Variants in SYNM observed in about 807,000 individuals in gnomAD.
SYNM encodes synemin.
In SYNM, 95 loss-of-function variants were observed where a neutral mutation model predicts 104.0. The ratio of observed to expected loss-of-function variants is 0.91; its 90% CI spans 0.77 to 1.08. The LOEUF (loss-of-function observed/expected upper bound fraction) is 1.08, where lower values mean the gene tolerates loss of function less well. Ranked by LOEUF, SYNM falls within the 50% of genes least tolerant of loss-of-function variation. The pLI, the probability that SYNM is intolerant of heterozygous loss-of-function variation, is 0.00. For missense variants in SYNM, 2,150 were observed against 2,052.2 expected (o/e 1.05, Z -0.92); for synonymous variants, 918 against 869.0 (o/e 1.06, Z -0.99).
rs1335145165 is a variant in SYNM at position 99,105,828 on chromosome 15, A to C, written c.629A>C (p.Glu210Ala). ...QLYEDEVREL[E>A]EALRRGQESR... ...TACGAGGACGAGGTGCGCGAGCTGG[A>C]GGAGGCGCTGCGGCGCGGCCAGGAG... Residue 210 changes from glutamate to alanine, a missense_variant, in exon 1 of 4, where the codon GAG (glutamate) becomes GCG (alanine). Coordinates refer to ENST00000336292, the MANE Select transcript of SYNM (RefSeq NM_145728.3). 2 of 1,542,050 alleles carry C rather than the reference A, an allele frequency of 1.3e-6. No homozygotes were observed. The highest frequency in any genetic ancestry group is 1.7e-6 in the Non-Finnish European group (2 of 1,145,642).
At position 99,132,455 on chromosome 15, in the gene SYNM, T is replaced by G; in HGVS notation, c.4095T>G (p.Val1365=). Residue 1365 remains valine, a synonymous_variant, in exon 4 of 4, where the codon GTT becomes GTG. Transcript: ENST00000336292. ...GTCATACCTCGGGTAGACAAACCGT[T>G]ATGACTGAAAAGAGCACCTTCCAAA... ...THSHTSGRQT[V]MTEKSTFQSV... 1 of 1,613,968 alleles carries G rather than the reference T, an allele frequency of 6.2e-7. No homozygotes were observed. Among genetic ancestry groups the G allele is most frequent in the Non-Finnish European group, 8.5e-7 (1 of 1,179,876 alleles).
chr15:99,139,845 CT>C (rs1247509617), downstream of SYNM: 1 of 968,246 alleles, frequency 1.0e-6, no homozygotes, highest in African/African-American at 1.7e-5. Context: ...ACAGCAATGT[CT>C]TAGTTATTAG....
At chr15:99,107,804 C>T (rs117510760) in intron 1 of SYNM, among the ~76,000 whole-genome samples, 3,364 of 152,208 alleles carry the variant, frequency 0.022, 76 homozygotes, top group Admixed American at 0.029. Context: ...TGAGGTCATA[C>T]CTGCCCTCAG....
downstream of SYNM, among the ~76,000 whole-genome samples, chr15:99,138,395 C>T (rs1442157091): frequency 1.3e-5 from 2 of 152,020 alleles, no homozygotes; most frequent in Non-Finnish European, 2.9e-5. Flanking sequence ...CTCCCTGCAA[C>T]TTCCGCCTCC....
Position 99,133,763 on chromosome 15 carries a change from T to C in SYNM, c.*705T>C, listed in dbSNP as rs2067536684. The stretch of plus-strand genomic sequence containing the variant: ...GGTTCCCTGGCACTGGTAGGGTAGA[T>C]GATTATTGGGAATCGCTTACAGTAC... On this transcript the variant is annotated 3_prime_UTR_variant, in exon 4 of 4. Coordinates refer to ENST00000336292, the MANE Select transcript of SYNM (RefSeq NM_145728.3). 1 of 153,150 alleles carries C rather than the reference T, an allele frequency of 6.5e-6. No individual in the cohort carries two copies. The highest frequency in any genetic ancestry group is 1.5e-5 in the Non-Finnish European group (1 of 68,428). 9.5% of individuals were successfully genotyped at this position (153,150 alleles called of 1,614,324 possible). A position where few individuals can be genotyped will look rare whatever the true frequency, so the allele number is the denominator to read the frequency against.
At chr15:99,138,182 T>G, downstream of SYNM, 2 of 1,598,632 alleles carry the variant, frequency 1.3e-6, no homozygotes, top group South Asian at 2.2e-5. Context: ...CCCCACACCG[T>G]TCCCATCCAG....
chr15:99,105,895 G>T lies in SYNM; in HGVS notation c.696G>T (p.Gln232His). 6.5e-7 allele frequency: 1 copy of T among 1,537,432 alleles called. No homozygotes were observed. The highest frequency in any genetic ancestry group is 8.7e-7 in the Non-Finnish European group (1 of 1,145,522). The change falls in exon 1 of 4, where the codon CAG (glutamine) becomes CAT (histidine). Residue 232 changes from glutamine (Q) to histidine (H), a missense_variant. Transcript: ENST00000336292. Reference protein sequence around the residue: ...QAEEETRLCAQEAEALRREAL... With the variant: ...QAEEETRLCAHEAEALRREAL... ...AGGAAGAGACGCGGCTGTGCGCGCA[G>T]GAGGCAGAGGCGCTGCGGCGCGAGG...
At chr15:99,122,322 T>C (rs376511012) in intron 2 of SYNM, among the ~76,000 whole-genome samples, 13 of 152,250 alleles carry the variant, frequency 8.5e-5, no homozygotes, top group Non-Finnish European at 1.6e-4. Flanking sequence ...ATTCTAGTGA[T>C]ATTTCTGATT....
chr15:99,118,890 T>A (rs2067374300), intron 2 of SYNM, among the ~76,000 whole-genome samples: 1 of 152,254 alleles, frequency 6.6e-6, no homozygotes, highest in African/African-American at 2.4e-5. Flanking sequence ...TCCTCCTGCA[T>A]TGCGGGTGGC....
intron 2 of SYNM, among the ~76,000 whole-genome samples, chr15:99,125,885 C>G (rs951694190): frequency 6.6e-6 from 1 of 152,226 alleles, no homozygotes. Flanking sequence ...TGCTAAGCCC[C>G]TCGCCAGCAG....
chr15:99,126,274 C>A (rs944687781), intron 2 of SYNM, among the ~76,000 whole-genome samples: 6 of 152,208 alleles, frequency 3.9e-5, no homozygotes, highest in African/African-American at 1.2e-4. Context: ...GCAAGCTGCC[C>A]CCACCAGCTG....
In SYNM at chr15:99,130,711, T is replaced by C. The variant is rs182777861; in HGVS notation, c.2351T>C (p.Val784Ala). The part of the protein sequence containing the change: ...EDVSPGPWGL[V>A]KEEEGYGESD... Reference sequence around the variant, plus strand: ...GTGTCGCCAGGCCCCTGGGGGTTGGTTAAGGAGGAGGAAGGTTATGGAGAA... The same window carrying C: ...GTGTCGCCAGGCCCCTGGGGGTTGGCTAAGGAGGAGGAAGGTTATGGAGAA... Residue 784 changes from valine (V) to alanine (A), a missense_variant, in exon 4 of 4, where the codon GTT (valine) becomes GCT (alanine). By Grantham distance (64) the Val-to-Ala change is moderately conservative (BLOSUM62 0). Coordinates refer to ENST00000336292, the MANE Select transcript of SYNM (RefSeq NM_145728.3). 5.1e-4 allele frequency: 829 copies of C among 1,613,322 alleles called. 4 individuals carry two copies. The African/African-American group carries it at 9.4e-3, about 18-fold the overall frequency.
intron 3 of SYNM, among the ~76,000 whole-genome samples, chr15:99,127,192 G>C (rs2067455865): frequency 6.6e-6 from 1 of 152,186 alleles, no homozygotes; most frequent in Non-Finnish European, 1.5e-5. Context: ...ATGGCAGGCA[G>C]GCAGCACTCT....
At chr15:99,138,560 G>A (rs886625248), downstream of SYNM, among the ~76,000 whole-genome samples, 4 of 152,174 alleles carry the variant, frequency 2.6e-5, no homozygotes, top group African/African-American at 7.2e-5. Context: ...GTGATCCACC[G>A]CCTCGGCCTC....
intron 2 of SYNM, among the ~76,000 whole-genome samples, chr15:99,114,196 G>T (rs1466191): frequency 0.14 from 21,833 of 152,138 alleles, 2,423 homozygotes; most frequent in African/African-American, 0.31. Context: ...CCGCAGGGCT[G>T]GGGAGGCCTC....
chr15:99,105,147 G>C lies in SYNM; in HGVS notation c.-53G>C. ...GGCGGAGAGGACGAGACCGGGACAA[G>C]ACCAGGGCAGGAGGGAGCCGGCCAG... is the stretch of plus-strand genomic sequence containing the variant. On this transcript the variant is annotated 5_prime_UTR_variant, in exon 1 of 4. Transcript: ENST00000336292. 1.9e-6 allele frequency: 3 copies of C among 1,541,698 alleles called. No homozygotes were observed. Among genetic ancestry groups the C allele is most frequent in the Admixed American group, 1.9e-5 (1 of 52,274 alleles).
rs782276091 is a variant in SYNM at position 99,113,706 on chromosome 15, C to T, written c.926C>T (p.Ala309Val). ...AAGACCGGCCTCAGTCTGGAGGTGG[C>T]GACCTACCGGTAAGGAGACTGTGCT... is the stretch of plus-strand genomic sequence containing the variant. ...QVKTGLSLEVATYRALLEGES... is the reference protein window; with the variant it reads ...QVKTGLSLEVVTYRALLEGES... Residue 309 changes from alanine (A) to valine (V), a missense_variant, in exon 2 of 4, where the codon GCG becomes GTG. By Grantham distance (64) the Ala-to-Val change is moderately conservative. Transcript: ENST00000336292. The T allele has an allele frequency of 1.6e-5, 26 of 1,613,146 alleles. No homozygotes were observed. The highest frequency in any genetic ancestry group is 6.7e-5 in the Admixed American group (4 of 59,918).
At chr15:99,117,778 G>A (rs1456273846) in intron 2 of SYNM, among the ~76,000 whole-genome samples, 2 of 151,832 alleles carry the variant, frequency 1.3e-5, no homozygotes, top group Non-Finnish European at 2.9e-5. Context: ...TGCCTTTTTG[G>A]TAGGGTATTC....
rs942014712 is a variant in SYNM, at chr15:99,133,140, A to G, written c.*82A>G. 5.8e-6 allele frequency: 9 copies of G among 1,556,770 alleles called. No homozygotes were observed. The highest frequency in any genetic ancestry group is 1.7e-4 in the Middle Eastern group (1 of 5,930). ...GGCCTTAACTTATTTTAAGAGGCCGAGGGAGTCTATGAAAATCTCCCCTTT... is the reference window on the plus strand; with the variant it reads ...GGCCTTAACTTATTTTAAGAGGCCGGGGGAGTCTATGAAAATCTCCCCTTT... On this transcript the variant is annotated 3_prime_UTR_variant, in exon 4 of 4. Transcript: ENST00000336292.
Sources: gnomAD v4.1 joint callset for allele counts (sites outside exome capture counted in the v4.1 genomes callset) on GRCh38, gnomAD v4.1.1 for gene constraint, MANE v1.5 for transcripts, NCBI Gene and HGNC (gene_info 2026-07-23, HGNC 2026-07-21) for gene names.